The following GSDMC variants were observed in gnomAD, a reference collection of about 807,000 sequenced individuals.
GSDMC encodes the protein gasdermin-C.
GSDMC carries 59 observed loss-of-function variants against 58.0 expected under a neutral mutation model. That is an observed-to-expected ratio of 1.02 (90% confidence interval 0.82 to 1.26). The LOEUF (loss-of-function observed/expected upper bound fraction) is 1.26, where lower values mean the gene tolerates loss of function less well. Ranked by LOEUF, GSDMC falls within the 50% of genes most tolerant of loss-of-function variation. GSDMC has a pLI of 0.00. For synonymous variants in GSDMC, 241 were observed against 220.2 expected (o/e 1.09, Z -0.83); for missense variants, 659 against 598.5 (o/e 1.10, Z -1.06).
intron 1 of GSDMC, among the ~76,000 whole-genome samples, chr8:129,785,065 G>T (rs1268106702): frequency 6.6e-6 from 1 of 152,062 alleles, no homozygotes; most frequent in Non-Finnish European, 1.5e-5. Flanking sequence ...TACAAAATTA[G>T]CCAGGCATGG....
intron 4 of GSDMC, among the ~76,000 whole-genome samples, chr8:129,764,286 G>T (rs2033780605): frequency 2.0e-5 from 3 of 152,126 alleles, no homozygotes; most frequent in Non-Finnish European, 1.5e-5. Context: ...ACCAGGCAGG[G>T]ATTAAACTAT....
the GSDMC span, among the ~76,000 whole-genome samples, chr8:129,708,881 G>A: frequency 6.6e-6 from 1 of 152,212 alleles, no homozygotes; most frequent in Admixed American, 6.5e-5. Flanking sequence ...CTGGACAATG[G>A]CCCATGCCAC....
At chr8:129,766,147 CTT>C (rs1390746089) in intron 3 of GSDMC, among the ~76,000 whole-genome samples, 1 of 152,126 alleles carries the variant, frequency 6.6e-6, no homozygotes, top group Non-Finnish European at 1.5e-5. Flanking sequence ...TGAGAACAGT[CTT>C]TAGGAGGTCC....
intron 6 of GSDMC, among the ~76,000 whole-genome samples, chr8:129,756,086 C>T (rs2033420996): frequency 6.6e-6 from 1 of 150,930 alleles, no homozygotes; most frequent in African/African-American, 2.4e-5. Flanking sequence ...AAACAAGATT[C>T]CATGATCTGT....
the GSDMC span, chr8:129,728,868 G>T: frequency 1.6e-6 from 1 of 638,842 alleles, no homozygotes; most frequent in Non-Finnish European, 3.0e-6. Flanking sequence ...CGCCTGGGGC[G>T]GGCTCTTGTG....
chr8:129,746,695 A>G (rs985253903), downstream of GSDMC, among the ~76,000 whole-genome samples: 1 of 152,202 alleles, frequency 6.6e-6, no homozygotes, highest in Non-Finnish European at 1.5e-5. Context: ...AGAGTTTGGG[A>G]AAATTTGACT....
the GSDMC span, among the ~76,000 whole-genome samples, chr8:129,718,557 A>C: frequency 1.3e-5 from 2 of 152,340 alleles, no homozygotes; most frequent in Admixed American, 1.3e-4. Context: ...GATGTGGAGA[A>C]ATTGTAACGC....
the GSDMC span, among the ~76,000 whole-genome samples, chr8:129,733,864 T>C: frequency 2.0e-5 from 3 of 152,190 alleles, no homozygotes; most frequent in Middle Eastern, 3.4e-3. Flanking sequence ...AGGTCAGTAA[T>C]AACAAACTTC....
At chr8:129,709,590 T>TGATAGATA in the GSDMC span, among the ~76,000 whole-genome samples, 7,673 of 146,016 alleles carry the variant, frequency 0.053, 278 homozygotes, top group East Asian at 0.13. Flanking sequence ...GATAGATAGA[T>TGATAGATA]GATAGATAGA....
intron 10 of GSDMC, among the ~76,000 whole-genome samples, 161 bp from the exon 11 acceptor site, chr8:129,750,731 G>A (rs1035106690): frequency 1.3e-5 from 2 of 152,158 alleles, no homozygotes; most frequent in Non-Finnish European, 2.9e-5. Context: ...GAGCTTTGTG[G>A]ATAGAGCTGG....
At chr8:129,716,850 C>T in the GSDMC span, among the ~76,000 whole-genome samples, 1 of 152,096 alleles carries the variant, frequency 6.6e-6, no homozygotes, top group African/African-American at 2.4e-5. Flanking sequence ...TTATTGAAGG[C>T]CTTTTCTGCA....
chr8:129,775,516 C>CA (rs138111293), intron 3 of GSDMC, among the ~76,000 whole-genome samples: 3,368 of 151,532 alleles, frequency 0.022, 123 homozygotes, highest in African/African-American at 0.075. Flanking sequence ...GTTCTCACCA[C>CA]AAAAAAAATG....
chr8:129,725,415 T>A, the GSDMC span, among the ~76,000 whole-genome samples: 1 of 152,222 alleles, frequency 6.6e-6, no homozygotes, highest in East Asian at 1.9e-4. Flanking sequence ...TGCCACATGC[T>A]GTGAGGTATG....
chr8:129,710,770 G>T, the GSDMC span, among the ~76,000 whole-genome samples: 2 of 152,284 alleles, frequency 1.3e-5, no homozygotes, highest in Non-Finnish European at 2.9e-5. Context: ...TAGGGTCAAA[G>T]GTTGCTATTA....
rs1441581232 is a variant in GSDMC, at chr8:129,767,546, C to T, written c.405-1753G>A. Among the ~76,000 whole-genome samples, 6 of 99,166 alleles carry T rather than the reference C, an allele frequency of 6.1e-5. No individual in the cohort carries two copies. The East Asian group carries it at 1.2e-3, about 20-fold the overall frequency. The allele number at this position is 99,166 out of a possible 152,430, so 65.1% of individuals were successfully genotyped here. On this transcript the variant is annotated intron_variant, in intron 3 of 13. Coordinates refer to ENST00000276708, the MANE Select transcript of GSDMC (RefSeq NM_031415.3). The stretch of plus-strand genomic sequence containing the variant: ...AACCACACAGAGCTACACATGTGGG[C>T]TCTGTGGGACACAGGCTACAAACCC...
At chr8:129,712,041 G>A in the GSDMC span, among the ~76,000 whole-genome samples, 1 of 152,150 alleles carries the variant, frequency 6.6e-6, no homozygotes, top group African/African-American at 2.4e-5. Context: ...AGGATCACCT[G>A]AGCCCAGGAG....
the GSDMC span, among the ~76,000 whole-genome samples, chr8:129,735,102 C>T: frequency 6.6e-6 from 1 of 152,250 alleles, no homozygotes; most frequent in East Asian, 1.9e-4. Flanking sequence ...ACAAGAAGAG[C>T]TAACTATCCT....
the GSDMC span, among the ~76,000 whole-genome samples, chr8:129,717,139 G>T: frequency 2.0e-5 from 3 of 151,862 alleles, no homozygotes; most frequent in Non-Finnish European, 4.4e-5. Flanking sequence ...CATAAAATGA[G>T]TTAAGGAGGA....
In GSDMC at chr8:129,760,557, T is replaced by C; in HGVS notation, c.709A>G (p.Thr237Ala). Residue 237 changes from threonine (T) to alanine (A), a missense_variant, in exon 6 of 14, where the codon ACC becomes GCC. Physicochemically the swap from Thr to Ala is moderately conservative, Grantham distance 58 (BLOSUM62 0). Coordinates refer to ENST00000276708, the MANE Select transcript of GSDMC (RefSeq NM_031415.3). ...CTTTGGAACTCACCATCTTGAAAGG[T>C]TCTCTGTTCATCATCATCTGAGATG... ...ILISDDDEQR[T>A]FQDEYEISEM... The C allele has an allele frequency of 6.3e-7, 1 of 1,598,698 alleles. No individual in the cohort carries two copies. The highest frequency in any genetic ancestry group is 8.6e-7 in the Non-Finnish European group (1 of 1,166,702).
Sources: allele counts gnomAD v4.1 joint callset (sites outside exome capture counted in the v4.1 genomes callset), GRCh38; gene constraint gnomAD v4.1.1; transcripts MANE v1.5; gene names NCBI Gene and HGNC (gene_info 2026-07-23, HGNC 2026-07-21).